Variants in FAM135A observed in about 807,000 individuals in gnomAD.
FAM135A encodes family with sequence similarity 135 member A.
A neutral mutation model predicts 146.8 loss-of-function variants in FAM135A; 79 were observed. The ratio of observed to expected loss-of-function variants is 0.54; its 90% CI spans 0.45 to 0.65. The LOEUF is 0.65. Ranked by LOEUF, FAM135A falls within the 30% of genes least tolerant of loss-of-function variation. FAM135A has a pLI of 0.00. For synonymous variants in FAM135A, 562 were observed against 603.6 expected (o/e 0.93, Z 1.01); for missense variants, 1,623 against 1,758.2 (o/e 0.92, Z 1.38).
In FAM135A at chr6:70,561,043, C is replaced by T. The variant is rs970164022; in HGVS notation, c.*1122C>T. The stretch of plus-strand genomic sequence containing the variant: ...TAAGGTTGGGTAGAAGTTCTGTTTG[C>T]ACTCACTAATTGTGACAGACAGAGG... On this transcript the variant is annotated 3_prime_UTR_variant, in exon 22 of 22. Coordinates refer to ENST00000418814, the MANE Select transcript of FAM135A (RefSeq NM_001162529.3). 1 of 152,510 alleles carries T rather than the reference C, an allele frequency of 6.6e-6. No homozygotes were observed. The highest frequency in any genetic ancestry group is 2.4e-5 in the African/African-American group (1 of 41,424). 9.4% of individuals were successfully genotyped at this position (152,510 alleles called of 1,614,324 possible).
At chr6:70,505,122 T>C (rs929392624) in intron 12 of FAM135A, among the ~76,000 whole-genome samples, 1 of 152,118 alleles carries the variant, frequency 6.6e-6, no homozygotes, top group South Asian at 2.1e-4. Flanking sequence ...ACATTGTTTT[T>C]CCTGAACAAT....
At chr6:70,492,761 G>T (rs1371396359) in intron 11 of FAM135A, among the ~76,000 whole-genome samples, 1 of 151,702 alleles carries the variant, frequency 6.6e-6, no homozygotes, top group Non-Finnish European at 1.5e-5. Flanking sequence ...GAAACCAGGG[G>T]AATGCAGATT....
chr6:70,502,613 A>C (rs761913992), intron 11 of FAM135A, 23 bp from the exon 12 acceptor site: 1 of 1,596,298 alleles, frequency 6.3e-7, no homozygotes, highest in Admixed American at 1.8e-5. Flanking sequence ...GAAATAGTGA[A>C]ATTTTTTTTC....
chr6:70,448,407 C>T (rs1351486478), intron 4 of FAM135A, among the ~76,000 whole-genome samples: 1 of 152,170 alleles, frequency 6.6e-6, no homozygotes, highest in East Asian at 1.9e-4. Flanking sequence ...CACTGTTACC[C>T]TGATGCTTCT....
At chr6:70,521,226 G>A (rs1388565185) in intron 12 of FAM135A, among the ~76,000 whole-genome samples, 1 of 152,158 alleles carries the variant, frequency 6.6e-6, no homozygotes, top group East Asian at 1.9e-4. Flanking sequence ...ATTATTGTAG[G>A]ACTTAGAGAA....
chr6:70,534,538 C>G (rs1561996879), intron 18 of FAM135A, among the ~76,000 whole-genome samples: 1 of 151,938 alleles, frequency 6.6e-6, no homozygotes, highest in Non-Finnish European at 1.5e-5. Flanking sequence ...TCTCGAACTC[C>G]TGAGCTCAAG....
chr6:70,502,549 T>C, intron 11 of FAM135A, 87 bp from the exon 12 acceptor site: 1 of 1,375,716 alleles, frequency 7.3e-7, no homozygotes, highest in South Asian at 1.5e-5. Context: ...AAATTTGCCT[T>C]TGTATTAATA....
chr6:70,535,157 A>G lies in FAM135A; in HGVS notation c.3966-1103A>G, dbSNP rs898465389. On this transcript the variant is annotated intron_variant, in intron 18 of 21. Coordinates refer to ENST00000418814, the MANE Select transcript of FAM135A (RefSeq NM_001162529.3). ...TGATTGTAGACTGTCAGCTACCATC[A>G]GAATTCCCACCCCCACTACTTTAGG... 2.6e-5 allele frequency among the ~76,000 whole-genome samples: 4 copies of G among 152,172 alleles called. No homozygotes were observed. In the East Asian group the frequency reaches 7.7e-4, roughly 29 times the overall value.
At chr6:70,435,215 C>G (rs1381295176) in intron 4 of FAM135A, among the ~76,000 whole-genome samples, 2 of 150,878 alleles carry the variant, frequency 1.3e-5, no homozygotes, top group East Asian at 3.9e-4. Flanking sequence ...GCAGTTCTCC[C>G]TGTCTCAGCC....
chr6:70,522,687 T>A, intron 13 of FAM135A, 101 bp downstream of exon 13: 1 of 861,836 alleles, frequency 1.2e-6, no homozygotes, highest in South Asian at 1.9e-5. Context: ...ATTAACAATA[T>A]AAGAAATTAG....
At chr6:70,430,694 CT>C (rs747800732) in intron 4 of FAM135A, among the ~76,000 whole-genome samples, 4 of 152,174 alleles carry the variant, frequency 2.6e-5, no homozygotes, top group Non-Finnish European at 4.4e-5. Flanking sequence ...CATCTTAATT[CT>C]TTTAGTGATC....
At chr6:70,528,498 T>G in intron 16 of FAM135A, 46 bp downstream of exon 16, 1 of 1,407,430 alleles carries the variant, frequency 7.1e-7, no homozygotes, top group Non-Finnish European at 9.3e-7. Context: ...CAATATATTT[T>G]TTTCCTAATA....
At chr6:70,542,278 C>CA (rs1424633787) in intron 20 of FAM135A, among the ~76,000 whole-genome samples, 3 of 106,746 alleles carry the variant, frequency 2.8e-5, no homozygotes, top group Admixed American at 8.6e-5. Context: ...ACACACACAC[C>CA]CTTTGCTGTG....
chr6:70,413,740 C>T (rs995807017), intron 1 of FAM135A, 38 bp downstream of exon 1: 1 of 934,600 alleles, frequency 1.1e-6, no homozygotes, highest in Non-Finnish European at 1.3e-6. Flanking sequence ...CCCCCGGCTC[C>T]CGACACCCAC....
At chr6:70,468,862 C>A (rs76896585) in intron 5 of FAM135A, among the ~76,000 whole-genome samples, 4,234 of 152,192 alleles carry the variant, frequency 0.028, 89 homozygotes, top group Middle Eastern at 0.071. Context: ...CAGAGGACTT[C>A]TATTCTCTTC....
intron 12 of FAM135A, chr6:70,513,178 A>G (rs1791424700): frequency 6.6e-6 from 1 of 151,764 alleles, no homozygotes; most frequent in South Asian, 2.1e-4. Context: ...TTATTGTTAT[A>G]ATATTATACT....
intron 3 of FAM135A, among the ~76,000 whole-genome samples, chr6:70,427,157 T>C (rs1770349197): frequency 2.0e-5 from 3 of 152,140 alleles, no homozygotes; most frequent in Admixed American, 1.3e-4. Context: ...TAATTTTTTT[T>C]AAATAGTGAA....
At chr6:70,505,060 G>T (rs1789440767) in intron 12 of FAM135A, 1 of 86,826 alleles carries the variant, frequency 1.2e-5, no homozygotes, top group Non-Finnish European at 2.2e-5. Flanking sequence ...CCTGTTTTTT[G>T]TAGGTAGATA....
At chr6:70,414,912 G>C (rs1376619309) in intron 1 of FAM135A, among the ~76,000 whole-genome samples, 3 of 152,128 alleles carry the variant, frequency 2.0e-5, no homozygotes, top group African/African-American at 4.8e-5. Flanking sequence ...TCCTCCATTA[G>C]GTGTAGCTGT....
Sources: gnomAD v4.1 joint callset for allele counts (sites outside exome capture counted in the v4.1 genomes callset) on GRCh38, gnomAD v4.1.1 for gene constraint, MANE v1.5 for transcripts, NCBI Gene and HGNC (gene_info 2026-07-23, HGNC 2026-07-21) for gene names.